ACADM: variants seen among roughly 807,000 people sequenced by gnomAD.
ACADM encodes the protein medium-chain specific acyl-CoA dehydrogenase, mitochondrial.
A neutral mutation model predicts 58.9 loss-of-function variants in ACADM; 49 were observed. That is an observed-to-expected ratio of 0.83 (90% CI 0.66 to 1.06). The LOEUF (loss-of-function observed/expected upper bound fraction) is 1.06. ACADM is among the 50% of genes least tolerant of loss of function. The probability of loss-of-function intolerance (pLI) is 0.00; values close to 1 mark genes in which losing one functional copy is unlikely to be tolerated. For synonymous variants in ACADM, 160 were observed against 157.7 expected, an observed-to-expected ratio of 1.01 and a Z score of -0.11; for missense variants, 496 against 507.0, an observed-to-expected ratio of 0.98 and a Z score of 0.21.
At chr1:75,737,048 A>G (rs2100379164) in intron 6 of ACADM, among the ~76,000 whole-genome samples, 1 of 151,924 alleles carries the variant, frequency 6.6e-6, no homozygotes, top group East Asian at 1.9e-4. Flanking sequence ...TGTACTGTTG[A>G]ATGTTTAAAC....
intron 10 of ACADM, among the ~76,000 whole-genome samples, chr1:75,756,428 G>C (rs199949650): frequency 3.3e-5 from 4 of 120,736 alleles, no homozygotes; most frequent in Admixed American, 2.5e-4. Flanking sequence ...ACAACACACA[G>C]AGAGCCAAAT....
At chr1:75,732,295 T>C (rs1306384972) in intron 2 of ACADM, among the ~76,000 whole-genome samples, 2 of 152,208 alleles carry the variant, frequency 1.3e-5, no homozygotes, top group Admixed American at 6.5e-5. Flanking sequence ...TTAGTTTCAC[T>C]TCAGTGTTAG....
chr1:75,761,671 A>C, intron 11 of ACADM: 2 of 353,310 alleles, frequency 5.7e-6, no homozygotes, highest in South Asian at 6.7e-5. Flanking sequence ...CTCTCCAAAA[A>C]GTATGCATGT....
At chr1:75,741,245 A>G (rs1258638135) in intron 7 of ACADM, among the ~76,000 whole-genome samples, 1 of 152,216 alleles carries the variant, frequency 6.6e-6, no homozygotes, top group East Asian at 1.9e-4. Context: ...TAGCAAATAA[A>G]ACATCATTTT....
chr1:75,749,032 A>G (rs1169753014), intron 8 of ACADM, among the ~76,000 whole-genome samples: 1 of 152,262 alleles, frequency 6.6e-6, no homozygotes, highest in East Asian at 1.9e-4. Context: ...TTTCAAACAT[A>G]TAATGAGATT....
intron 10 of ACADM, among the ~76,000 whole-genome samples, chr1:75,754,369 G>A (rs749111950): frequency 2.6e-4 from 39 of 151,742 alleles, no homozygotes; most frequent in African/African-American, 9.0e-4. Context: ...AACTGCACCC[G>A]GCTAATTTTC....
chr1:75,739,454 CT>C (rs1647446172), intron 6 of ACADM, among the ~76,000 whole-genome samples: 1 of 152,144 alleles, frequency 6.6e-6, no homozygotes, highest in Non-Finnish European at 1.5e-5. Context: ...AACATTTTCA[CT>C]TTTTATTAAA....
intron 7 of ACADM, among the ~76,000 whole-genome samples, chr1:75,745,003 C>A (rs528796181): frequency 2.0e-5 from 3 of 152,166 alleles, no homozygotes; most frequent in Non-Finnish European, 2.9e-5. Context: ...ATAGTCCCTC[C>A]TTATCCTTGC....
chr1:75,729,319 A>T (rs1647107952), intron 2 of ACADM, among the ~76,000 whole-genome samples: 3 of 62,168 alleles, frequency 4.8e-5, no homozygotes, highest in East Asian at 4.8e-4. Flanking sequence ...TTTTAAGATG[A>T]GGTTTCATTG....
intron 10 of ACADM, among the ~76,000 whole-genome samples, chr1:75,755,281 T>C (rs1648436782): frequency 6.6e-6 from 1 of 152,170 alleles, no homozygotes; most frequent in Middle Eastern, 3.2e-3. Flanking sequence ...AGAATGGAGT[T>C]TGAGATCTGA....
At chr1:75,756,346 A>T (rs1484503445) in intron 10 of ACADM, among the ~76,000 whole-genome samples, 3 of 152,202 alleles carry the variant, frequency 2.0e-5, no homozygotes, top group Non-Finnish European at 4.4e-5. Context: ...CTCCTTAAGC[A>T]GATAAGCAAC....
chr1:75,727,775 G>A (rs1317031506), intron 1 of ACADM, among the ~76,000 whole-genome samples: 2 of 152,188 alleles, frequency 1.3e-5, no homozygotes, highest in Non-Finnish European at 1.5e-5. Flanking sequence ...TAGATCTGCT[G>A]TGAAAGCGGC....
chr1:75,740,137 A>G, intron 7 of ACADM, 27 bp downstream of exon 7: 3 of 1,591,438 alleles, frequency 1.9e-6, no homozygotes, highest in Non-Finnish European at 2.6e-6. Context: ...ATCTTTGTAT[A>G]TTTTTTCTTA....
At chr1:75,749,614 A>AAAAG in intron 9 of ACADM, 55 bp downstream of exon 9, 1 of 1,485,308 alleles carries the variant, frequency 6.7e-7, no homozygotes, top group Non-Finnish European at 9.2e-7. Context: ...TACATTAAAT[A>AAAAG]AGTATTTTTA....
At chr1:75,748,462 C>G (rs1648018253) in intron 8 of ACADM, among the ~76,000 whole-genome samples, 1 of 151,972 alleles carries the variant, frequency 6.6e-6, no homozygotes, top group Non-Finnish European at 1.5e-5. Flanking sequence ...TTAATGATTG[C>G]TAAAAAGGAG....
intron 8 of ACADM, among the ~76,000 whole-genome samples, chr1:75,747,339 T>G (rs1146581): frequency 0.37 from 56,826 of 151,960 alleles, 11,666 homozygotes; most frequent in African/African-American, 0.55. Context: ...CAGTATTCTA[T>G]CTATTAGGGA....
chr1:75,734,925 C>A, intron 6 of ACADM, 54 bp downstream of exon 6: 1 of 1,344,624 alleles, frequency 7.4e-7, no homozygotes, highest in Non-Finnish European at 1.1e-6. Flanking sequence ...AACAAAGGTG[C>A]TATTTCTCCT....
At chr1:75,753,815 G>C (rs371273283) in intron 10 of ACADM, among the ~76,000 whole-genome samples, 6 of 29,688 alleles carry the variant, frequency 2.0e-4, no homozygotes, top group Non-Finnish European at 3.2e-4. Context: ...TTTTTTTTTT[G>C]AGACAGGGTC....
chr1:75,733,720 G>A (rs1647191106), intron 5 of ACADM, 92 bp downstream of exon 5: 1 of 1,071,164 alleles, frequency 9.3e-7, no homozygotes, highest in Non-Finnish European at 1.4e-6. Flanking sequence ...GAAAAAAAAA[G>A]GAAAGTCAGT....
Sources: allele counts gnomAD v4.1 joint callset (sites outside exome capture counted in the v4.1 genomes callset), GRCh38; gene constraint gnomAD v4.1.1; transcripts MANE v1.5; gene names NCBI Gene and HGNC (gene_info 2026-07-23, HGNC 2026-07-21).